The following CCNB1 variants were observed in gnomAD, a reference collection of about 807,000 sequenced individuals.
CCNB1 encodes G2/mitotic-specific cyclin-B1.
Under a neutral mutation model 44.4 loss-of-function variants are expected in CCNB1, and 26 were observed. The observed-to-expected ratio is 0.59, with a 90% CI of 0.43 to 0.81. The LOEUF is 0.81. Among genes scored for constraint, CCNB1 ranks in the 40% least tolerant of loss-of-function variants. CCNB1 has a pLI of 0.00. For synonymous variants in CCNB1, 195 were observed against 181.4 expected (o/e 1.08, Z -0.60); for missense variants, 477 against 520.9 (o/e 0.92, Z 0.82).
rs550897266 is a variant in CCNB1 at position 69,174,856 on chromosome 5, C to T, written c.706-21C>T. 16 of 1,570,060 alleles carry T rather than the reference C, an allele frequency of 1.0e-5. 1 individual carries two copies. In the South Asian group the frequency reaches 1.8e-4, roughly 17 times the overall value. ...CTCCTTTTCAAACATTTTATTCACC[C>T]TATTGAAATTCCCATTGCAGAATAA... On this transcript the variant is annotated intron_variant, in intron 5 of 8. Coordinates refer to ENST00000256442, the MANE Select transcript of CCNB1 (RefSeq NM_031966.4).
chr5:69,170,697 C>T (rs1424971006), intron 3 of CCNB1, among the ~76,000 whole-genome samples: 2 of 151,844 alleles, frequency 1.3e-5, no homozygotes, highest in African/African-American at 4.8e-5. Flanking sequence ...GCAATCATAG[C>T]TCACTGTATC....
chr5:69,174,393 T>C lies in CCNB1; in HGVS notation c.689T>C (p.Ile230Thr), dbSNP rs1747532562. ...ACCATGTACATGACTGTCTCCATTATTGATCGGTTCATGCAGGTGAGCATT... is the reference window on the plus strand; with the variant it reads ...ACCATGTACATGACTGTCTCCATTACTGATCGGTTCATGCAGGTGAGCATT... Reference protein sequence around the residue: ...QETMYMTVSIIDRFMQNNCVP... With the variant: ...QETMYMTVSITDRFMQNNCVP... The change falls in exon 5 of 9, where the codon ATT becomes ACT. Residue 230 changes from isoleucine (I) to threonine (T), a missense_variant. Physicochemically the swap from Ile to Thr is moderately conservative, Grantham distance 89. Coordinates refer to ENST00000256442, the MANE Select transcript of CCNB1 (RefSeq NM_031966.4). 10 of 1,614,092 alleles carry C rather than the reference T, an allele frequency of 6.2e-6. No individual in the cohort carries two copies. The highest frequency in any genetic ancestry group is 8.5e-6 in the Non-Finnish European group (10 of 1,179,988).
chr5:69,172,410 CAA>C (rs1747484421), intron 4 of CCNB1, among the ~76,000 whole-genome samples: 1 of 152,130 alleles, frequency 6.6e-6, no homozygotes, highest in Non-Finnish European at 1.5e-5. Flanking sequence ...GTGCCCACCA[CAA>C]CACCCAGCTA....
In CCNB1 at chr5:69,169,990, G is replaced by C. The variant is rs543469126; in HGVS notation, c.364-1280G>C. Reference sequence around the variant, plus strand: ...TTTATTTTTTTTTTCCCAAGACAGAGTCTTGCTCTGTCACCCAGGCTGGAG... The same window carrying C: ...TTTATTTTTTTTTTCCCAAGACAGACTCTTGCTCTGTCACCCAGGCTGGAG... On this transcript the variant is annotated intron_variant, in intron 3 of 8. Coordinates refer to ENST00000256442, the MANE Select transcript of CCNB1 (RefSeq NM_031966.4). Among the ~76,000 whole-genome samples, 4 of 150,222 alleles carry C rather than the reference G, an allele frequency of 2.7e-5. No homozygotes were observed. The South Asian group carries it at 8.4e-4, about 32-fold the overall frequency.
intron 5 of CCNB1, 81 bp downstream of exon 5, chr5:69,174,490 G>C: frequency 7.4e-7 from 1 of 1,351,564 alleles, no homozygotes; most frequent in South Asian, 1.3e-5. Context: ...CAGTCTGGGC[G>C]CAGTGGCTCA....
intron 7 of CCNB1, among the ~76,000 whole-genome samples, chr5:69,175,982 AATATATATATATATATAT>A (rs68140968): frequency 0.018 from 2,125 of 116,402 alleles, 93 homozygotes; most frequent in African/African-American, 0.068. Flanking sequence ...AAATATATAA[AATATATATATATATATAT>A]ATATATATAT....
intron 7 of CCNB1, among the ~76,000 whole-genome samples, chr5:69,175,990 T>C (rs1027515865): frequency 5.4e-4 from 49 of 91,396 alleles, no homozygotes; most frequent in Non-Finnish European, 9.3e-4. Flanking sequence ...AAAATATATA[T>C]ATATATATAT....
chr5:69,172,660 T>A (rs1580211246), intron 4 of CCNB1, among the ~76,000 whole-genome samples: 2 of 152,294 alleles, frequency 1.3e-5, no homozygotes, highest in East Asian at 3.8e-4. Flanking sequence ...TCTGCAAGAC[T>A]TCTTTGCCAG....
intron 3 of CCNB1, among the ~76,000 whole-genome samples, chr5:69,170,742 G>T (rs164388): frequency 0.43 from 65,203 of 151,290 alleles, 14,083 homozygotes; most frequent in South Asian, 0.55. Context: ...CCTCCTGCCT[G>T]GGCCTCCTGA....
intron 2 of CCNB1, 25 bp downstream of exon 2, chr5:69,168,103 C>A (rs1429913756): frequency 6.8e-6 from 11 of 1,611,504 alleles, no homozygotes; most frequent in Non-Finnish European, 9.3e-6. Flanking sequence ...GACCTAACTT[C>A]TGTAAGAGCC....
intron 3 of CCNB1, 64 bp downstream of exon 3, chr5:69,168,407 A>G (rs163443): frequency 0.42 from 655,683 of 1,564,438 alleles, 138,699 homozygotes; most frequent in South Asian, 0.54. Context: ...TCACTGATAC[A>G]TGCAAGAGCA....
At chr5:69,167,367 C>T (rs754321230) in intron 1 of CCNB1, 84 bp downstream of exon 1, 4 of 1,507,674 alleles carry the variant, frequency 2.7e-6, no homozygotes, top group Admixed American at 1.7e-5. Flanking sequence ...GCCTCCCGAG[C>T]GGGAGAGGGC....
In CCNB1 at chr5:69,177,970, T is replaced by C. The variant is rs1001319017; in HGVS notation, c.*339T>C. The C allele has an allele frequency of 5.5e-6, 1 of 180,962 alleles. No homozygotes were observed. The highest frequency in any genetic ancestry group is 1.2e-5 in the Non-Finnish European group (1 of 85,726). The allele number at this position is 180,962 out of a possible 1,614,324, so 11.2% of individuals were successfully genotyped here. A position where few individuals can be genotyped will look rare whatever the true frequency, so the allele number is the denominator to read the frequency against. On this transcript the variant is annotated 3_prime_UTR_variant, in exon 9 of 9. Transcript: ENST00000256442. Reference sequence around the variant, plus strand: ...GAGGTATTTGAAAATTTTACTTCCATAGGACATACTGCATGTAAGCCAAGT... The same window carrying C: ...GAGGTATTTGAAAATTTTACTTCCACAGGACATACTGCATGTAAGCCAAGT...
rs778844045 is a variant in CCNB1 at position 69,177,531 on chromosome 5, A to G, written c.1202A>G (p.Lys401Arg). The G allele has an allele frequency of 1.2e-6, 2 of 1,609,274 alleles. No individual in the cohort carries two copies. Among genetic ancestry groups the G allele is most frequent in the East Asian group, 2.2e-5 (1 of 44,834 alleles). The change falls in exon 9 of 9, where the codon AAG (lysine) becomes AGG (arginine). Residue 401 changes from lysine (K) to arginine (R), a missense_variant. Physicochemically the swap from Lys to Arg is conservative, Grantham distance 26. Coordinates refer to ENST00000256442, the MANE Select transcript of CCNB1 (RefSeq NM_031966.4). ...NQGLTKHMTV[K>R]NKYATSKHAK... ...TATCTTTTTGTCTTCCAGACTGTCAAGAACAAGTATGCCACATCGAAGCAT... is the reference window on the plus strand; with the variant it reads ...TATCTTTTTGTCTTCCAGACTGTCAGGAACAAGTATGCCACATCGAAGCAT...
chr5:69,169,638 C>G (rs952053530), intron 3 of CCNB1, among the ~76,000 whole-genome samples: 2 of 151,968 alleles, frequency 1.3e-5, no homozygotes, highest in Non-Finnish European at 2.9e-5. Context: ...ATCTCCACCC[C>G]CTGTTCCTAG....
chr5:69,167,179 T>A lies in CCNB1; in HGVS notation c.-84T>A. ...TGCTGCGGCGGAACGGCTGTTGGTTTCTGCTGGGTGTAGGTCCTTGGCTGG... is the reference window on the plus strand; with the variant it reads ...TGCTGCGGCGGAACGGCTGTTGGTTACTGCTGGGTGTAGGTCCTTGGCTGG... On this transcript the variant is annotated 5_prime_UTR_variant, in exon 1 of 9. Coordinates refer to ENST00000256442, the MANE Select transcript of CCNB1 (RefSeq NM_031966.4). The A allele has an allele frequency of 8.2e-7, 1 of 1,221,706 alleles. No homozygotes were observed. Among genetic ancestry groups the A allele is most frequent in the Non-Finnish European group, 1.1e-6 (1 of 886,262 alleles). 75.7% of individuals were successfully genotyped at this position (1,221,706 alleles called of 1,614,324 possible).
rs1261674882 is a variant in CCNB1, at chr5:69,167,982, T to G, written c.96T>G (p.Ala32=). 3 of 1,614,208 alleles carry G rather than the reference T, an allele frequency of 1.9e-6. No homozygotes were observed. The highest frequency in any genetic ancestry group is 1.1e-5 in the South Asian group (1 of 91,088). The part of the protein sequence containing the change: ...AGAKRVPTAP[A]ATSKPGLRPR... ...CAAAGCGCGTTCCTACGGCCCCTGCTGCAACCTCCAAGCCCGGACTGAGGC... is the reference window on the plus strand; with the variant it reads ...CAAAGCGCGTTCCTACGGCCCCTGCGGCAACCTCCAAGCCCGGACTGAGGC... Residue 32 remains alanine (A), a synonymous_variant, in exon 2 of 9, where the codon GCT becomes GCG. Coordinates refer to ENST00000256442, the MANE Select transcript of CCNB1 (RefSeq NM_031966.4).
At position 69,168,417 on chromosome 5, in the gene CCNB1, A is replaced by G. The variant is rs200335311; in HGVS notation, c.363+74A>G. 5.3e-6 allele frequency: 8 copies of G among 1,514,290 alleles called. No individual in the cohort carries two copies. The East Asian group carries it at 1.1e-4, about 21-fold the overall frequency. The allele number at this position is 1,514,290 out of a possible 1,614,324, so 93.8% of individuals were successfully genotyped here. On this transcript the variant is annotated intron_variant, in intron 3 of 8. Coordinates refer to ENST00000256442, the MANE Select transcript of CCNB1 (RefSeq NM_031966.4). ...TTATTTCACTGATACATGCAAGAGC[A>G]TTCAAATGAATAGTAATATTAATAC...
intron 3 of CCNB1, among the ~76,000 whole-genome samples, chr5:69,168,678 T>C (rs1747393942): frequency 6.6e-6 from 1 of 152,208 alleles, no homozygotes; most frequent in Non-Finnish European, 1.5e-5. Flanking sequence ...CCTTCGTTAA[T>C]GATATTAAGT....
Sources: gnomAD v4.1 joint callset for allele counts (sites outside exome capture counted in the v4.1 genomes callset) on GRCh38, gnomAD v4.1.1 for gene constraint, MANE v1.5 for transcripts, NCBI Gene and HGNC (gene_info 2026-07-23, HGNC 2026-07-21) for gene names.